CREBZF: variants seen among roughly 807,000 people sequenced by gnomAD.
CREBZF encodes the protein CREB/ATF bZIP transcription factor.
Under a neutral mutation model 21.1 loss-of-function variants are expected in CREBZF, and 8 were observed. The observed-to-expected ratio is 0.38, with a 90% CI of 0.22 to 0.68. The LOEUF (loss-of-function observed/expected upper bound fraction) is 0.68, where lower values mean the gene tolerates loss of function less well. CREBZF is among the 30% of genes least tolerant of loss of function. CREBZF has a pLI of 0.51. For missense variants in CREBZF, 518 were observed against 484.3 expected, an observed-to-expected ratio of 1.07 and a Z score of -0.65; for synonymous variants, 270 against 223.3, an observed-to-expected ratio of 1.21 and a Z score of -1.86.
chr11:85,675,559 CA>C (rs2082936927), intron 1 of CREBZF, among the ~76,000 whole-genome samples: 1 of 151,994 alleles, frequency 6.6e-6, no homozygotes, highest in Non-Finnish European at 1.5e-5. Flanking sequence ...CACAGATCAC[CA>C]TGACAGAGAT....
At position 85,660,549 on chromosome 11, in the gene CREBZF, T is replaced by C. The variant is rs1490025458; in HGVS notation, c.*3262A>G. 1 of 452,202 alleles carries C rather than the reference T, an allele frequency of 2.2e-6. No homozygotes were observed. Among genetic ancestry groups the C allele is most frequent in the Admixed American group, 2.4e-5 (1 of 41,660 alleles). The allele number at this position is 452,202 out of a possible 1,614,324, so 28.0% of individuals were successfully genotyped here. A position where few individuals can be genotyped will look rare whatever the true frequency, so the allele number is the denominator to read the frequency against. On this transcript the variant is annotated 3_prime_UTR_variant, in exon 1 of 1. Transcript: ENST00000527447. Reference sequence around the variant, plus strand: ...AATTACTTTGTTACCAACAGTCCAGTCAGTTAACAGGTTGTAGGAAAAGAT... The same window carrying C: ...AATTACTTTGTTACCAACAGTCCAGCCAGTTAACAGGTTGTAGGAAAAGAT...
Position 85,663,353 on chromosome 11 carries a change from T to C in CREBZF, c.*458A>G, listed in dbSNP as rs2082741146. ...CAGAAGAGGCATCTTAAATACATTCTTGACCAGCACAAGTCTGTTTCCAGG... is the reference window on the plus strand; with the variant it reads ...CAGAAGAGGCATCTTAAATACATTCCTGACCAGCACAAGTCTGTTTCCAGG... On this transcript the variant is annotated 3_prime_UTR_variant, in exon 1 of 1. Coordinates refer to ENST00000527447, the MANE Select transcript of CREBZF (RefSeq NM_001039618.4). 5 of 616,946 alleles carry C rather than the reference T, an allele frequency of 8.1e-6. No homozygotes were observed. The East Asian group carries it at 1.4e-4, about 17-fold the overall frequency. The allele number at this position is 616,946 out of a possible 1,614,324, so 38.2% of individuals were successfully genotyped here.
At position 85,659,102 on chromosome 11, in the gene CREBZF, TAAA is replaced by T. The variant is rs1267755090; in HGVS notation, c.*4706_*4708del. On this transcript the variant is annotated 3_prime_UTR_variant, in exon 1 of 1. Coordinates refer to ENST00000527447, the MANE Select transcript of CREBZF (RefSeq NM_001039618.4). ...ATCCGCAGCTTAGGTGGTAAGTAAA[TAAA>T]AAAACAGCTCAGAAAAACAGCAAAA... Among the ~76,000 whole-genome samples, 1 of 151,716 alleles carries T rather than the reference TAAA, an allele frequency of 6.6e-6. No homozygotes were observed. The highest frequency in any genetic ancestry group is 2.4e-5 in the African/African-American group (1 of 41,328).
intron 1 of CREBZF, among the ~76,000 whole-genome samples, chr11:85,674,004 C>A (rs867977287): frequency 2.0e-5 from 3 of 152,212 alleles, no homozygotes; most frequent in African/African-American, 7.2e-5. Context: ...TCTCTTCTTA[C>A]TTCTATCACA....
chr11:85,663,829 C>T lies in CREBZF; in HGVS notation c.1047G>A (p.Ser349=). 6 of 1,600,720 alleles carry T rather than the reference C, an allele frequency of 3.7e-6. No homozygotes were observed. The highest frequency in any genetic ancestry group is 4.3e-6 in the Non-Finnish European group (5 of 1,175,962). The change falls in exon 1 of 1, where the codon TCG becomes TCA. Residue 349 remains serine (S), a synonymous_variant. Coordinates refer to ENST00000527447, the MANE Select transcript of CREBZF (RefSeq NM_001039618.4). ...CTTGACCCTACATTTTAAGAGAAGA[C>T]GACGCCTTCCGGGCGCACGCCGAGC... ...EFCSACARKA[S]SSLKM is the part of the protein sequence containing the mutation.
Position 85,664,578 on chromosome 11 carries a change from C to A in CREBZF, c.298G>T (p.Asp100Tyr). 6.2e-7 allele frequency: 1 copy of A among 1,613,968 alleles called. No individual in the cohort carries two copies. Among genetic ancestry groups the A allele is most frequent in the Non-Finnish European group, 8.5e-7 (1 of 1,179,978 alleles). Residue 100 changes from aspartate (D) to tyrosine (Y), a missense_variant, in exon 1 of 1, where the codon GAC becomes TAC. By Grantham distance (160) the Asp-to-Tyr change is radical (BLOSUM62 -3). This residue lies in a region of CREBZF where 396 missense variants were observed against 324.4 expected (regional missense o/e 1.22). Transcript: ENST00000527447. The surrounding 1 kb of genome is among the most constrained non-coding windows in gnomAD (Gnocchi z 5.5). ...GCCAGTTCCAGCCCAGACAGAAAGT[C>A]CATATCCTCCGTCTCTTCCCCCGGG... ...SLPGEETEDMDFLSGLELADL... is the reference protein window; with the variant it reads ...SLPGEETEDMYFLSGLELADL...
chr11:85,681,616 A>G (rs1251938353), intron 1 of CREBZF, among the ~76,000 whole-genome samples: 1 of 152,098 alleles, frequency 6.6e-6, no homozygotes, highest in African/African-American at 2.4e-5. Context: ...CTCATACATT[A>G]TTTGCTTTTA....
chr11:85,668,253 C>A (rs756780853), upstream of CREBZF, among the ~76,000 whole-genome samples: 2 of 152,114 alleles, frequency 1.3e-5, no homozygotes, highest in East Asian at 3.9e-4. Context: ...CTTTAGAAGA[C>A]TTTCCAAGTT....
Position 85,663,740 on chromosome 11 carries a change from CTAAGG to C in CREBZF, c.*66_*70del, listed in dbSNP as rs2082756480. 3 of 1,589,154 alleles carry C rather than the reference CTAAGG, an allele frequency of 1.9e-6. No individual in the cohort carries two copies. Among genetic ancestry groups the C allele is most frequent in the Non-Finnish European group, 2.6e-6 (3 of 1,168,382 alleles). ...AAATGTGTCCGGTGAAGATGTCCCACTAAGGTAAGTTTGACATGGTGTAAGGGAGT... is the reference window on the plus strand; with the variant it reads ...AAATGTGTCCGGTGAAGATGTCCCACTAAGTTTGACATGGTGTAAGGGAGT... On this transcript the variant is annotated 3_prime_UTR_variant, in exon 1 of 1. Transcript: ENST00000527447.
intron 1 of CREBZF, among the ~76,000 whole-genome samples, chr11:85,671,305 A>G (rs1019561362): frequency 5.9e-5 from 9 of 152,218 alleles, no homozygotes; most frequent in African/African-American, 2.2e-4. Flanking sequence ...GGTCCCTTCC[A>G]CAACATGTGG....
chr11:85,677,179 G>A (rs920957801), intron 1 of CREBZF, among the ~76,000 whole-genome samples: 5 of 152,096 alleles, frequency 3.3e-5, no homozygotes, highest in African/African-American at 1.2e-4. Flanking sequence ...TGGCCAGGCT[G>A]GTCTCAAACT....
chr11:85,674,770 C>T (rs2082932146), intron 1 of CREBZF, among the ~76,000 whole-genome samples: 1 of 152,246 alleles, frequency 6.6e-6, no homozygotes, highest in Non-Finnish European at 1.5e-5. Flanking sequence ...AAACTTGTTG[C>T]TGCTTCTCCA....
intron 1 of CREBZF, among the ~76,000 whole-genome samples, chr11:85,676,543 CTTTT>C (rs1247564276): frequency 6.6e-6 from 1 of 152,130 alleles, no homozygotes; most frequent in African/African-American, 2.4e-5. Flanking sequence ...TGATTTATCT[CTTTT>C]TTATTGCTGA....
chr11:85,679,117 T>C (rs143292569), intron 1 of CREBZF, among the ~76,000 whole-genome samples: 151 of 152,318 alleles, frequency 9.9e-4, no homozygotes, highest in Non-Finnish European at 1.8e-3. Context: ...GAAAGGCAGT[T>C]TTCTTGATCA....
In CREBZF at chr11:85,664,741, C is replaced by A. The variant is rs1350812440; in HGVS notation, c.135G>T (p.Thr45=). 3.1e-6 allele frequency: 5 copies of A among 1,608,154 alleles called. No individual in the cohort carries two copies. The highest frequency in any genetic ancestry group is 3.4e-6 in the Non-Finnish European group (4 of 1,178,400). ...TGCGGCCGGGAGATCCGGCCGCCGC[C>A]GTCTCCTCCTCCCCCGCTGCAGCCC... The part of the protein sequence containing the change: ...LTRAAAGEEE[T]AAAGSPGRKQ... The change falls in exon 1 of 1, where the codon ACG becomes ACT. Residue 45 remains threonine (T), a synonymous_variant. Coordinates refer to ENST00000527447, the MANE Select transcript of CREBZF (RefSeq NM_001039618.4). The surrounding 1 kb of genome is among the most constrained non-coding windows in gnomAD (Gnocchi z 5.5).
chr11:85,664,919 G>C lies in CREBZF; in HGVS notation c.-44C>G. On this transcript the variant is annotated 5_prime_UTR_variant, in exon 1 of 1. Coordinates refer to ENST00000527447, the MANE Select transcript of CREBZF (RefSeq NM_001039618.4). This position sits in a 1 kb window ranked among gnomAD's most constrained non-coding sequence, Gnocchi z 5.5. The stretch of plus-strand genomic sequence containing the variant: ...GCGGTAGGCCCCGGCCGCTAAGAGT[G>C]GGCCTCACGGGCCCCAAGGATCCCA... 7.5e-7 allele frequency: 1 copy of C among 1,336,874 alleles called. No individual in the cohort carries two copies. The highest frequency in any genetic ancestry group is 9.8e-7 in the Non-Finnish European group (1 of 1,022,886). 82.8% of individuals were successfully genotyped at this position (1,336,874 alleles called of 1,614,324 possible).
rs1305733934 is a variant in CREBZF at position 85,664,473 on chromosome 11, C to T, written c.403G>A (p.Gly135Arg). The change falls in exon 1 of 1, where the codon GGA (glycine) becomes AGA (arginine). Residue 135 changes from glycine (G) to arginine (R), a missense_variant. Around this residue, in one of 3 missense-constraint regions of CREBZF, gnomAD observed 396 missense variants for 324.4 expected, o/e 1.22. Transcript: ENST00000527447. This position sits in a 1 kb window ranked among gnomAD's most constrained non-coding sequence, Gnocchi z 5.5. ...SSPGPLSSSGGGSDSGGLWRG... is the reference protein window; with the variant it reads ...SSPGPLSSSGRGSDSGGLWRG... ...CACAGGCCGCCGCTATCCGAGCCTC[C>T]GCCAGACGAGGAGAGAGGCCCCGGC... is the stretch of plus-strand genomic sequence containing the variant. The T allele has an allele frequency of 1.9e-6, 3 of 1,613,512 alleles. No homozygotes were observed. The highest frequency in any genetic ancestry group is 4.5e-5 in the East Asian group (2 of 44,880).
intron 1 of CREBZF, chr11:85,682,694 A>G: frequency 1.5e-6 from 1 of 651,342 alleles, no homozygotes. Context: ...ACACTCCAGT[A>G]CCCGGAATTC....
Position 85,664,537 on chromosome 11 carries a change from G to A in CREBZF, c.339C>T (p.Pro113=). The A allele has an allele frequency of 6.2e-7, 1 of 1,613,848 alleles. No homozygotes were observed. Among genetic ancestry groups the A allele is most frequent in the East Asian group, 2.2e-5 (1 of 44,838 alleles). Residue 113 remains proline, a synonymous_variant, in exon 1 of 1, where the codon CCC becomes CCT. Transcript: ENST00000527447. This position sits in a 1 kb window ranked among gnomAD's most constrained non-coding sequence, Gnocchi z 5.5. Reference sequence around the variant, plus strand: ...GGTCCAGGTGCCAGTCCGGTTGCCTGGGGTCCAGGAGATCCGCCAGTTCCA... The same window carrying A: ...GGTCCAGGTGCCAGTCCGGTTGCCTAGGGTCCAGGAGATCCGCCAGTTCCA... The part of the protein sequence containing the change: ...SGLELADLLD[P]RQPDWHLDPG...
Sources: gnomAD v4.1 joint callset for allele counts (sites outside exome capture counted in the v4.1 genomes callset) on GRCh38, gnomAD v4.1.1 for gene constraint, gnomAD v4.1.1 regional missense constraint, Gnocchi (gnomAD v3.1) non-coding constraint, MANE v1.5 for transcripts, NCBI Gene and HGNC (gene_info 2026-07-23, HGNC 2026-07-21) for gene names.